Variants in SUPT20H observed in about 807,000 individuals in gnomAD.
The protein encoded by SUPT20H is SPT20 homolog, SAGA complex component.
A neutral mutation model predicts 122.8 loss-of-function variants in SUPT20H; 82 were observed. That is an observed-to-expected ratio of 0.67 (90% CI 0.56 to 0.80). SUPT20H has a LOEUF of 0.80. Ranked by LOEUF, SUPT20H falls within the 30% of genes least tolerant of loss-of-function variation. The pLI, the probability that SUPT20H is intolerant of heterozygous loss-of-function variation, is 0.00. For synonymous variants in SUPT20H, 291 were observed against 313.0 expected, an observed-to-expected ratio of 0.93 and a Z score of 0.74; for missense variants, 831 against 921.6, an observed-to-expected ratio of 0.90 and a Z score of 1.27.
intron 10 of SUPT20H, 84 bp from the exon 11 acceptor site, chr13:37,031,979 T>C: frequency 4.0e-6 from 5 of 1,249,350 alleles, no homozygotes; most frequent in Non-Finnish European, 5.5e-6. Flanking sequence ...CAGTGCTGAA[T>C]ATGTACAAAT....
At chr13:37,042,751 CAA>C (rs1263975966) in intron 7 of SUPT20H, among the ~76,000 whole-genome samples, 10 of 152,166 alleles carry the variant, frequency 6.6e-5, no homozygotes, top group Admixed American at 2.6e-4. Flanking sequence ...ATGGGATCTG[CAA>C]AAGAGGAAAT....
intron 1 of SUPT20H, among the ~76,000 whole-genome samples, chr13:37,058,073 G>T (rs367955810): frequency 6.6e-5 from 10 of 150,590 alleles, no homozygotes; most frequent in Admixed American, 4.0e-4. Context: ...AGACCAGCCT[G>T]ACCAACAATG....
chr13:37,043,597 T>C (rs1442226390), intron 7 of SUPT20H, among the ~76,000 whole-genome samples: 2 of 152,160 alleles, frequency 1.3e-5, no homozygotes, highest in Non-Finnish European at 2.9e-5. Flanking sequence ...AGGTTAAATA[T>C]CCGACAATAA....
intron 23 of SUPT20H, among the ~76,000 whole-genome samples, chr13:37,014,716 T>C (rs2060144480): frequency 6.6e-6 from 1 of 152,154 alleles, no homozygotes; most frequent in Non-Finnish European, 1.5e-5. Context: ...GAAGGAAATG[T>C]GTAACATTAA....
At position 37,040,585 on chromosome 13, in the gene SUPT20H, T is replaced by C; in HGVS notation, c.504A>G (p.Pro168=). Residue 168 remains proline, a synonymous_variant, in exon 8 of 26, where the codon CCA becomes CCG. Transcript: ENST00000350612. ...AATTAAACATCCTTACCTGCATTGT[T>C]GGACGTAAGAGAATGTGCCGACTTT... ...GYQSRHILLR[P]TMQTLICDVH... The C allele has an allele frequency of 6.2e-7, 1 of 1,613,808 alleles. No homozygotes were observed. Among genetic ancestry groups the C allele is most frequent in the Non-Finnish European group, 8.5e-7 (1 of 1,179,840 alleles).
intron 24 of SUPT20H, among the ~76,000 whole-genome samples, 170 bp downstream of exon 24, chr13:37,012,022 T>C (rs1405224963): frequency 6.6e-6 from 1 of 152,060 alleles, no homozygotes; most frequent in East Asian, 1.9e-4. Context: ...CCACTATCAA[T>C]GAAAAAAAAT....
rs2059240561 is a variant in SUPT20H, at chr13:37,009,689, T to C, written c.2323A>G (p.Thr775Ala). 7 of 1,613,962 alleles carry C rather than the reference T, an allele frequency of 4.3e-6. No individual in the cohort carries two copies. Among genetic ancestry groups the C allele is most frequent in the East Asian group, 2.2e-5 (1 of 44,878 alleles). ...TGCAAGACTCAAAATTTTGGAGTGG[T>C]TGGCGTGCCTCTCTTCATTTTACTT... The part of the protein sequence containing the change: ...SKSKMKRGTP[T>A]TPKF The change falls in exon 26 of 26, where the codon ACC (threonine) becomes GCC (alanine). Residue 775 changes from threonine to alanine, a missense_variant. Thr to Ala is a moderately conservative substitution (Grantham distance 58, BLOSUM62 0). Transcript: ENST00000350612.
chr13:37,013,851 G>A (rs1001189541), intron 23 of SUPT20H: 1 of 152,038 alleles, frequency 6.6e-6, no homozygotes, highest in African/African-American at 2.4e-5. Flanking sequence ...CCCAGTTCAT[G>A]AAATGAACAA....
chr13:37,053,436 C>T (rs1209403784), intron 1 of SUPT20H, among the ~76,000 whole-genome samples: 1 of 151,920 alleles, frequency 6.6e-6, no homozygotes, highest in Non-Finnish European at 1.5e-5. Context: ...GAAAACCACA[C>T]ATCACATGCT....
chr13:37,033,144 A>T (rs1418138821), intron 10 of SUPT20H, among the ~76,000 whole-genome samples: 1 of 151,618 alleles, frequency 6.6e-6, no homozygotes, highest in Non-Finnish European at 1.5e-5. Flanking sequence ...ATTTAAAAAA[A>T]TAATAATACT....
Position 37,025,362 on chromosome 13 carries a change from G to A in SUPT20H, c.1287C>T (p.Gly429=). Residue 429 remains glycine (G), a synonymous_variant, in exon 17 of 26, where the codon GGC becomes GGT. Transcript: ENST00000350612. ...CPVKMSHSSS[G]SASLSQVSPG... Reference sequence around the variant, plus strand: ...GAGAAACCTGACTCAGACTGGCTGAGCCACTGGAGCTGTGTGACATCTTGA... The same window carrying A: ...GAGAAACCTGACTCAGACTGGCTGAACCACTGGAGCTGTGTGACATCTTGA... The A allele has an allele frequency of 6.2e-7, 1 of 1,613,972 alleles. No individual in the cohort carries two copies. Among genetic ancestry groups the A allele is most frequent in the Non-Finnish European group, 8.5e-7 (1 of 1,179,890 alleles).
chr13:37,046,847 A>T (rs927300080), intron 5 of SUPT20H: 6 of 152,144 alleles, frequency 3.9e-5, no homozygotes, highest in Non-Finnish European at 7.3e-5. Flanking sequence ...TTTAAAAATA[A>T]TTTTTTTCCT....
In SUPT20H at chr13:37,045,292, C is replaced by T; in HGVS notation, c.247G>A (p.Gly83Arg). The change falls in exon 6 of 26, where the codon GGA (glycine) becomes AGA (arginine). Residue 83 changes from glycine (G) to arginine (R), a missense_variant. By Grantham distance (125) the Gly-to-Arg change is moderately radical (BLOSUM62 -2). Coordinates refer to ENST00000350612, the MANE Select transcript of SUPT20H (RefSeq NM_001014286.3). ...AGCATCAGAGAATATCCCTCATTTC[C>T]TGGGTATAGATTGACCACTAAACAT... ...LSCLVVNLYP[G>R]NEGYSLMLRG... 6.2e-7 allele frequency: 1 copy of T among 1,613,740 alleles called. No individual in the cohort carries two copies. The highest frequency in any genetic ancestry group is 8.5e-7 in the Non-Finnish European group (1 of 1,179,780).
rs548390251 is a variant in SUPT20H, at chr13:37,038,083, T to A, written c.567+2322A>T. 8 of 152,024 alleles carry A rather than the reference T, an allele frequency of 5.3e-5. No homozygotes were observed. The East Asian group carries it at 7.7e-4, about 15-fold the overall frequency. 9.4% of individuals were successfully genotyped at this position (152,024 alleles called of 1,614,324 possible). ...TTCTTTATTGGTACTATTACTACTG[T>A]TGTGTACTGTCTCTTGCATCAAACC... On this transcript the variant is annotated intron_variant, in intron 9 of 25. Coordinates refer to ENST00000350612, the MANE Select transcript of SUPT20H (RefSeq NM_001014286.3).
chr13:37,017,206 T>G, intron 23 of SUPT20H, 39 bp downstream of exon 23: 1 of 1,613,448 alleles, frequency 6.2e-7, no homozygotes, highest in Non-Finnish European at 8.5e-7. Flanking sequence ...ATGTTATAAA[T>G]TCGATGTAAA....
intron 21 of SUPT20H, among the ~76,000 whole-genome samples, chr13:37,020,499 C>T (rs553741982): frequency 2.4e-4 from 36 of 152,144 alleles, no homozygotes; most frequent in African/African-American, 8.4e-4. Flanking sequence ...TCTGTAGAAC[C>T]CCAGTTTAGC....
chr13:37,036,110 CA>C (rs1256996731), intron 9 of SUPT20H, among the ~76,000 whole-genome samples: 4 of 152,174 alleles, frequency 2.6e-5, no homozygotes, highest in African/African-American at 7.2e-5. Context: ...GATCTGTCAG[CA>C]GTCATTAATA....
chr13:37,031,814 T>C lies in SUPT20H; in HGVS notation c.789A>G (p.Leu263=). Residue 263 remains leucine (L), a synonymous_variant, in exon 11 of 26, where the codon TTA becomes TTG. Coordinates refer to ENST00000350612, the MANE Select transcript of SUPT20H (RefSeq NM_001014286.3). ...SHCPPPPQLR[L]LDFLQKRKER... is the part of the protein sequence containing the mutation. ...CCTTTCTTTTTTGTAAGAAATCAAG[T>C]AACCTCAGCTGAGGAGGAGGTGGAC... The C allele has an allele frequency of 6.2e-7, 1 of 1,610,420 alleles. No individual in the cohort carries two copies. The highest frequency in any genetic ancestry group is 1.1e-5 in the South Asian group (1 of 90,132).
intron 9 of SUPT20H, among the ~76,000 whole-genome samples, chr13:37,036,615 C>T (rs1254914095): frequency 6.6e-6 from 1 of 151,994 alleles, no homozygotes; most frequent in Non-Finnish European, 1.5e-5. Flanking sequence ...CCACTGCGAC[C>T]AGCTAGGAGA....
Sources: gnomAD v4.1 joint callset for allele counts (sites outside exome capture counted in the v4.1 genomes callset) on GRCh38, gnomAD v4.1.1 for gene constraint, MANE v1.5 for transcripts, NCBI Gene and HGNC (gene_info 2026-07-23, HGNC 2026-07-21) for gene names.